Variants in MID1 observed in about 807,000 individuals in gnomAD.
MID1 encodes midline 1.
A neutral mutation model predicts 40.4 loss-of-function variants in MID1; 7 were observed. The ratio of observed to expected loss-of-function variants is 0.17; its 90% confidence interval spans 0.10 to 0.33. The LOEUF (loss-of-function observed/expected upper bound fraction) is 0.33, where lower values mean the gene tolerates loss of function less well. Among genes scored for constraint, MID1 ranks in the 10% least tolerant of loss-of-function variants. The pLI, the probability that MID1 is intolerant of heterozygous loss-of-function variation, is 1.00. For synonymous variants in MID1, 229 were observed against 221.2 expected, an observed-to-expected ratio of 1.04 and a Z score of -0.31; for missense variants, 367 against 558.5, an observed-to-expected ratio of 0.66 and a Z score of 3.46.
chrX:10,766,815 G>A (rs947852916), intron 1 of MID1, among the ~76,000 whole-genome samples: 4 of 108,899 alleles, frequency 3.7e-5, no homozygotes, highest in Admixed American at 2.0e-4. Flanking sequence ...AGGCTGAGGC[G>A]GGAGGACTGC....
chrX:10,686,881 G>A, intron 1 of MID1, among the ~76,000 whole-genome samples: 1 of 111,919 alleles, frequency 8.9e-6, no homozygotes, highest in Middle Eastern at 4.6e-3. Flanking sequence ...GATGCAGGCT[G>A]CTCTGGGAAG....
chrX:10,461,138 T>TACACACACAC lies in MID1; in HGVS notation c.1286-1341_1286-1332dup, dbSNP rs200040870. ...TATATCATCTAAAGATATCTAAAGA[T>TACACACACAC]ACACACACACACACACACACACACA... On this transcript the variant is annotated intron_variant, in intron 7 of 9. Coordinates refer to ENST00000317552, the MANE Select transcript of MID1 (RefSeq NM_000381.4). Among the ~76,000 whole-genome samples the TACACACACAC allele has an allele frequency of 3.8e-3, 368 of 96,792 alleles. 1 individual carries two copies. The highest frequency in any genetic ancestry group is 0.01 in the African/African-American group (261 of 25,593). 84.1% of individuals were successfully genotyped at this position (96,792 alleles called of 115,157 possible).
intron 3 of MID1, among the ~76,000 whole-genome samples, chrX:10,507,945 G>A (rs1489682677): frequency 1.8e-5 from 2 of 112,060 alleles, no homozygotes; most frequent in Non-Finnish European, 3.8e-5. Flanking sequence ...AAAGTTTCCG[G>A]TTTCCAGAGA....
chrX:10,577,984 C>T (rs1450071338), intron 1 of MID1, among the ~76,000 whole-genome samples: 2 of 112,055 alleles, frequency 1.8e-5, no homozygotes, highest in Non-Finnish European at 3.8e-5. Flanking sequence ...TTGGACTCCA[C>T]CAAAGGTGTT....
intron 8 of MID1, among the ~76,000 whole-genome samples, chrX:10,457,020 AAACTATG>A (rs1432940023): frequency 1.8e-5 from 2 of 112,163 alleles, no homozygotes; most frequent in African/African-American, 3.2e-5. Context: ...TATCAGAGAT[AAACTATG>A]AACTAAGACA....
At chrX:10,516,560 TTGTGTGTGTGTGTGTGTGTGTG>T (rs57101806) in intron 3 of MID1, among the ~76,000 whole-genome samples, 20 of 73,364 alleles carry the variant, frequency 2.7e-4, no homozygotes, top group Admixed American at 4.7e-4. Flanking sequence ...TACTCTGCTC[TTGTGTGTGTGTGTGTGTGTGTG>T]TGTGTGTGTG....
intron 1 of MID1, among the ~76,000 whole-genome samples, chrX:10,625,625 G>A (rs918262279): frequency 5.3e-5 from 6 of 112,282 alleles, no homozygotes; most frequent in Non-Finnish European, 1.1e-4. Context: ...CAACTGCAGT[G>A]CTGGAAGTTA....
At chrX:10,590,136 G>C (rs1343497805) in intron 1 of MID1, among the ~76,000 whole-genome samples, 1 of 111,137 alleles carries the variant, frequency 9.0e-6, no homozygotes, top group Non-Finnish European at 1.9e-5. Flanking sequence ...ATAATCTATA[G>C]ATAACATCAG....
intron 6 of MID1, among the ~76,000 whole-genome samples, chrX:10,473,331 G>A (rs192509437): frequency 5.3e-5 from 6 of 112,274 alleles, no homozygotes; most frequent in African/African-American, 1.6e-4. Context: ...AGTTCCATAC[G>A]GTAAATGCTT....
At chrX:10,552,177 A>G (rs759777433) in intron 2 of MID1, among the ~76,000 whole-genome samples, 2 of 110,926 alleles carry the variant, frequency 1.8e-5, no homozygotes, top group South Asian at 3.8e-4. Flanking sequence ...TGGTAAAAAA[A>G]AAAAAAATAG....
At chrX:10,592,263 AGGG>A (rs1164927130) in intron 1 of MID1, among the ~76,000 whole-genome samples, 33 of 62,656 alleles carry the variant, frequency 5.3e-4, no homozygotes, top group Admixed American at 7.8e-4. Flanking sequence ...TTTCCTGCTT[AGGG>A]ACTGCGTTAA....
intron 9 of MID1, among the ~76,000 whole-genome samples, chrX:10,451,212 T>C (rs946177173): frequency 1.8e-5 from 2 of 111,919 alleles, no homozygotes; most frequent in African/African-American, 6.5e-5. Context: ...ATGAGGAGAA[T>C]CCAAGTTGCA....
intron 1 of MID1, among the ~76,000 whole-genome samples, chrX:10,569,232 T>A (rs914081366): frequency 2.7e-5 from 3 of 112,100 alleles, no homozygotes; most frequent in African/African-American, 9.7e-5. Context: ...ATAAAGTATG[T>A]CCCGAGCCTG....
At chrX:10,611,731 T>C (rs1465677449) in intron 1 of MID1, among the ~76,000 whole-genome samples, 1 of 111,616 alleles carries the variant, frequency 9.0e-6, no homozygotes, top group African/African-American at 3.3e-5. Context: ...TGCAGAAGTC[T>C]CATTTCAAAA....
At chrX:10,794,845 A>G (rs2043957808) in intron 1 of MID1, among the ~76,000 whole-genome samples, 1 of 111,642 alleles carries the variant, frequency 9.0e-6, no homozygotes, top group Admixed American at 9.5e-5. Context: ...TTTAATCTCT[A>G]AAATAACAGT....
At chrX:10,501,769 C>T (rs1009721452) in intron 3 of MID1, among the ~76,000 whole-genome samples, 6 of 111,283 alleles carry the variant, frequency 5.4e-5, no homozygotes, top group Non-Finnish European at 3.8e-5. Flanking sequence ...AATGCAGTTA[C>T]GCGTAATCAT....
At chrX:10,764,921 G>T (rs112869561) in intron 1 of MID1, among the ~76,000 whole-genome samples, 4,073 of 111,742 alleles carry the variant, frequency 0.036, 167 homozygotes, top group African/African-American at 0.12. Context: ...GGACTTTTCT[G>T]TAGAACCTCT....
intron 1 of MID1, among the ~76,000 whole-genome samples, chrX:10,662,611 A>G (rs678405): frequency 8.9e-6 from 1 of 111,794 alleles, no homozygotes; most frequent in Non-Finnish European, 1.9e-5. Context: ...ATTCAAGCTC[A>G]ATATTAACAT....
At chrX:10,708,310 A>G (rs751601714) in intron 1 of MID1, among the ~76,000 whole-genome samples, 1 of 111,828 alleles carries the variant, frequency 8.9e-6, no homozygotes, top group Non-Finnish European at 1.9e-5. Context: ...ACAGGTATAC[A>G]TAATTCATGA....
Sources: gnomAD v4.1 joint callset for allele counts (sites outside exome capture counted in the v4.1 genomes callset) on GRCh38, gnomAD v4.1.1 for gene constraint, MANE v1.5 for transcripts, NCBI Gene and HGNC (gene_info 2026-07-23, HGNC 2026-07-21) for gene names.